Variants in ALCAM observed in about 807,000 individuals in gnomAD.
ALCAM encodes activated leukocyte cell adhesion molecule.
A neutral mutation model predicts 70.9 loss-of-function variants in ALCAM; 30 were observed. That is an observed-to-expected ratio of 0.42 (90% CI 0.32 to 0.57). The LOEUF (loss-of-function observed/expected upper bound fraction) is 0.57, where lower values mean the gene tolerates loss of function less well. Among genes scored for constraint, ALCAM ranks in the 20% least tolerant of loss-of-function variants. The pLI is 0.11. For synonymous variants in ALCAM, 249 were observed against 242.5 expected, an observed-to-expected ratio of 1.03 and a Z score of -0.25; for missense variants, 591 against 695.1, an observed-to-expected ratio of 0.85 and a Z score of 1.68.
chr3:105,572,220 G>GCGTCC (rs1043215770), intron 15 of ALCAM, among the ~76,000 whole-genome samples: 18 of 152,088 alleles, frequency 1.2e-4, no homozygotes, highest in African/African-American at 4.3e-4. Flanking sequence ...TTCTCCTAAT[G>GCGTCC]CGTCCCTCCC....
At chr3:105,415,542 G>T (rs1261981491) in intron 1 of ALCAM, among the ~76,000 whole-genome samples, 1 of 152,062 alleles carries the variant, frequency 6.6e-6, no homozygotes, top group Non-Finnish European at 1.5e-5. Flanking sequence ...ATCAGCCAAA[G>T]AAACATTTAT....
At chr3:105,416,373 A>G (rs559350471) in intron 1 of ALCAM, among the ~76,000 whole-genome samples, 42 of 152,086 alleles carry the variant, frequency 2.8e-4, no homozygotes, top group African/African-American at 1.0e-3. Flanking sequence ...ATATTGGTCA[A>G]TTTACTAAAC....
intron 1 of ALCAM, among the ~76,000 whole-genome samples, chr3:105,502,784 T>A (rs1325387933): frequency 3.3e-5 from 5 of 152,258 alleles, no homozygotes; most frequent in Non-Finnish European, 7.3e-5. Context: ...CCATAGTCTT[T>A]GGCAACTATC....
chr3:105,564,113 G>GA (rs1237363858), intron 14 of ALCAM, among the ~76,000 whole-genome samples: 111 of 145,774 alleles, frequency 7.6e-4, no homozygotes, highest in East Asian at 2.6e-3. Flanking sequence ...ACGGACATTT[G>GA]AAAAAAAAAA....
chr3:105,523,139 C>CAAAAAAAAA (rs59478384), intron 2 of ALCAM, among the ~76,000 whole-genome samples: 10 of 87,024 alleles, frequency 1.1e-4, no homozygotes, highest in African/African-American at 3.4e-4. Flanking sequence ...GACTCCGTCT[C>CAAAAAAAAA]AAAAAAAAAA....
At chr3:105,550,779 G>C (rs979664785) in intron 12 of ALCAM, among the ~76,000 whole-genome samples, 5 of 151,520 alleles carry the variant, frequency 3.3e-5, no homozygotes, top group African/African-American at 1.2e-4. Context: ...TTACAAAACT[G>C]TTCCTTTTGT....
intron 1 of ALCAM, among the ~76,000 whole-genome samples, chr3:105,507,371 A>G (rs1231728800): frequency 6.6e-6 from 1 of 152,126 alleles, no homozygotes; most frequent in Non-Finnish European, 1.5e-5. Context: ...ATTCATTATC[A>G]TATCAGAATA....
rs759630617 is a variant in ALCAM, at chr3:105,541,668, C to T, written c.894C>T (p.Tyr298=). ...AAGGAATAAGAAGCTCAAATACTTA[C>T]ACACTGACGGATGTGAGGCGCAATG... The part of the protein sequence containing the change: ...QPEGIRSSNT[Y]TLTDVRRNAT... The change falls in exon 8 of 16, where the codon TAC becomes TAT. Residue 298 remains tyrosine (Y), a synonymous_variant. Coordinates refer to ENST00000306107, the MANE Select transcript of ALCAM (RefSeq NM_001627.4). The T allele has an allele frequency of 1.2e-6, 2 of 1,612,128 alleles. No individual in the cohort carries two copies. The highest frequency in any genetic ancestry group is 2.2e-5 in the South Asian group (2 of 91,000).
At chr3:105,406,766 AC>A (rs1345949951) in intron 1 of ALCAM, among the ~76,000 whole-genome samples, 1 of 151,616 alleles carries the variant, frequency 6.6e-6, no homozygotes, top group Non-Finnish European at 1.5e-5. Flanking sequence ...AAAAAAAAAA[AC>A]TGGTTCTTTG....
chr3:105,455,698 G>A (rs1408915091), intron 1 of ALCAM, among the ~76,000 whole-genome samples: 1 of 152,076 alleles, frequency 6.6e-6, no homozygotes, highest in African/African-American at 2.4e-5. Context: ...CATTGCAATG[G>A]CAGCACCTGC....
chr3:105,476,898 G>T (rs1000977598), intron 1 of ALCAM, among the ~76,000 whole-genome samples: 2 of 151,896 alleles, frequency 1.3e-5, no homozygotes, highest in Non-Finnish European at 2.9e-5. Flanking sequence ...GAGGGAGTCA[G>T]GGGGAGGTAA....
chr3:105,555,284 ATAT>A (rs1322277769), intron 14 of ALCAM, among the ~76,000 whole-genome samples: 1 of 152,024 alleles, frequency 6.6e-6, no homozygotes, highest in African/African-American at 2.4e-5. Flanking sequence ...GACAGAGTTG[ATAT>A]TATTGGTAAT....
intron 1 of ALCAM, among the ~76,000 whole-genome samples, chr3:105,460,884 T>C (rs1275267160): frequency 1.3e-5 from 2 of 151,954 alleles, no homozygotes; most frequent in Non-Finnish European, 2.9e-5. Flanking sequence ...GGAAATAAAA[T>C]GATAAATTGA....
chr3:105,429,307 G>A (rs1332278112), intron 1 of ALCAM, among the ~76,000 whole-genome samples: 1 of 151,790 alleles, frequency 6.6e-6, no homozygotes, highest in Non-Finnish European at 1.5e-5. Flanking sequence ...ATAAAAATGA[G>A]AAGCATGTTT....
At chr3:105,544,958 TC>T (rs1407422982) in intron 8 of ALCAM, 2 of 374,338 alleles carry the variant, frequency 5.3e-6, no homozygotes, top group Admixed American at 3.8e-5. Flanking sequence ...AATATTTATA[TC>T]CCCTCAAAAT....
At chr3:105,558,896 T>A (rs1195383277) in intron 14 of ALCAM, among the ~76,000 whole-genome samples, 1 of 152,038 alleles carries the variant, frequency 6.6e-6, no homozygotes, top group Non-Finnish European at 1.5e-5. Context: ...TGAACAAGCA[T>A]GCTTAAGAGG....
chr3:105,527,032 G>T (rs1482606195), intron 3 of ALCAM, among the ~76,000 whole-genome samples: 1 of 152,054 alleles, frequency 6.6e-6, no homozygotes, highest in East Asian at 1.9e-4. Flanking sequence ...ATGCAGGTTT[G>T]CTTGTTTAAT....
chr3:105,455,043 G>A (rs1937516531), intron 1 of ALCAM, among the ~76,000 whole-genome samples: 1 of 152,084 alleles, frequency 6.6e-6, no homozygotes, highest in Non-Finnish European at 1.5e-5. Context: ...TGAATTACTG[G>A]AAGAGGTTAA....
intron 14 of ALCAM, among the ~76,000 whole-genome samples, chr3:105,564,409 G>T (rs986673333): frequency 1.3e-5 from 2 of 152,078 alleles, no homozygotes; most frequent in Admixed American, 1.3e-4. Flanking sequence ...AAAATTATGA[G>T]AAAACTTTCT....
Sources: gnomAD v4.1 joint callset for allele counts (sites outside exome capture counted in the v4.1 genomes callset) on GRCh38, gnomAD v4.1.1 for gene constraint, MANE v1.5 for transcripts, NCBI Gene and HGNC (gene_info 2026-07-23, HGNC 2026-07-21) for gene names.